GRIN3A: variants seen among roughly 807,000 people sequenced by gnomAD.
GRIN3A encodes glutamate receptor ionotropic, NMDA 3A.
In GRIN3A, 47 loss-of-function variants were observed where a neutral mutation model predicts 92.4. The ratio of observed to expected loss-of-function variants is 0.51; its 90% CI spans 0.40 to 0.65. GRIN3A has a LOEUF of 0.65. Ranked by LOEUF, GRIN3A falls within the 30% of genes least tolerant of loss-of-function variation. The pLI is 0.00. For synonymous variants in GRIN3A, 527 were observed against 540.6 expected (o/e 0.97, Z 0.35); for missense variants, 1,324 against 1,393.1 (o/e 0.95, Z 0.79).
chr9:101,598,366 C>T (rs1828167344), intron 6 of GRIN3A, among the ~76,000 whole-genome samples: 2 of 151,962 alleles, frequency 1.3e-5, no homozygotes, highest in South Asian at 4.1e-4. Context: ...GATATGGAGG[C>T]TAAAATATTT....
At position 101,670,641 on chromosome 9, in the gene GRIN3A, T is replaced by C; in HGVS notation, c.1771A>G (p.Met591Val). 1.2e-6 allele frequency: 2 copies of C among 1,614,054 alleles called. No homozygotes were observed. Among genetic ancestry groups the C allele is most frequent in the African/African-American group, 1.3e-5 (1 of 75,050 alleles). ...IDLLEKIAED[M>V]NFDFDLYIVG... ...ATATAGAGGTCGAAGTCAAAGTTCA[T>C]GTCTTCTGCTATCTTTTCCAGCAGA... Residue 591 changes from methionine to valine, a missense_variant, in exon 3 of 9, where the codon ATG (methionine) becomes GTG (valine). Transcript: ENST00000361820.
chr9:101,608,265 GTTCTC>G (rs1379040362), intron 6 of GRIN3A, among the ~76,000 whole-genome samples: 1 of 152,016 alleles, frequency 6.6e-6, no homozygotes, highest in African/African-American at 2.4e-5. Context: ...CTCATTCCTA[GTTCTC>G]TTTCAAATTT....
intron 1 of GRIN3A, among the ~76,000 whole-genome samples, chr9:101,718,322 G>A (rs1039378593): frequency 6.6e-6 from 1 of 152,198 alleles, no homozygotes; most frequent in Non-Finnish European, 1.5e-5. Flanking sequence ...GGTAGGGAGA[G>A]AGTGGCCAGT....
rs1827742734 is a variant in GRIN3A, at chr9:101,570,383, G to A, written c.*2791C>T. 6.6e-6 allele frequency: 1 copy of A among 152,546 alleles called. No individual in the cohort carries two copies. The highest frequency in any genetic ancestry group is 6.6e-5 in the Admixed American group (1 of 15,266). 9.4% of individuals were successfully genotyped at this position (152,546 alleles called of 1,614,324 possible). A position where few individuals can be genotyped will look rare whatever the true frequency, so the allele number is the denominator to read the frequency against. On this transcript the variant is annotated 3_prime_UTR_variant, in exon 9 of 9. Transcript: ENST00000361820. ...CAGAGGCAGAGCTGAACGGAAAGGA[G>A]GTTTCCAAGGACCCACCATTTCATG...
At chr9:101,641,341 G>A (rs961398598) in intron 3 of GRIN3A, among the ~76,000 whole-genome samples, 2 of 152,142 alleles carry the variant, frequency 1.3e-5, no homozygotes, top group African/African-American at 4.8e-5. Flanking sequence ...GCACACGTAT[G>A]TTTATTGTGG....
intron 3 of GRIN3A, among the ~76,000 whole-genome samples, chr9:101,653,882 T>C (rs1431836947): frequency 6.6e-6 from 1 of 151,880 alleles, no homozygotes; most frequent in Non-Finnish European, 1.5e-5. Flanking sequence ...TCAAGTGTAA[T>C]ACAAATGAAA....
chr9:101,707,708 G>A (rs1829829753), intron 1 of GRIN3A, among the ~76,000 whole-genome samples: 1 of 152,080 alleles, frequency 6.6e-6, no homozygotes, highest in Admixed American at 6.6e-5. Flanking sequence ...AGACAATATT[G>A]AGACAATTAT....
In GRIN3A at chr9:101,737,266, C is replaced by T; in HGVS notation, c.699+15G>A. The T allele has an allele frequency of 6.2e-7, 1 of 1,611,562 alleles. No homozygotes were observed. The highest frequency in any genetic ancestry group is 1.1e-5 in the South Asian group (1 of 91,050). The stretch of plus-strand genomic sequence containing the variant: ...GCAGCGCCCATCTCCACTCCACGCA[C>T]CAGGCTCCTCTCACCTGACTCTCCC... On this transcript the variant is annotated intron_variant, in intron 1 of 8. Transcript: ENST00000361820.
intron 3 of GRIN3A, among the ~76,000 whole-genome samples, chr9:101,647,355 G>C (rs572679893): frequency 6.6e-6 from 1 of 151,928 alleles, no homozygotes; most frequent in Admixed American, 6.6e-5. Flanking sequence ...ACTTGGTCGT[G>C]GTGAATGATC....
At chr9:101,629,420 C>A (rs189685967) in intron 3 of GRIN3A, among the ~76,000 whole-genome samples, 1 of 152,094 alleles carries the variant, frequency 6.6e-6, no homozygotes, top group Non-Finnish European at 1.5e-5. Flanking sequence ...TCAGCAAAAT[C>A]GTTCATTTAT....
chr9:101,723,036 C>T (rs1341103975), intron 1 of GRIN3A, among the ~76,000 whole-genome samples: 1 of 152,114 alleles, frequency 6.6e-6, no homozygotes, highest in Non-Finnish European at 1.5e-5. Flanking sequence ...ATTGTATCTT[C>T]CTGGATTCCC....
intron 1 of GRIN3A, among the ~76,000 whole-genome samples, chr9:101,736,945 G>T (rs1201838722): frequency 6.6e-6 from 1 of 151,794 alleles, no homozygotes; most frequent in South Asian, 2.1e-4. Flanking sequence ...CGCTCTCCAC[G>T]GTCCTGAACC....
chr9:101,659,395 T>C (rs1829139700), intron 3 of GRIN3A, among the ~76,000 whole-genome samples: 1 of 147,228 alleles, frequency 6.8e-6, no homozygotes, highest in South Asian at 2.2e-4. Flanking sequence ...AAAGTATCTA[T>C]GTATTTATTT....
chr9:101,720,775 C>T (rs1304869443), intron 1 of GRIN3A, among the ~76,000 whole-genome samples: 1 of 152,114 alleles, frequency 6.6e-6, no homozygotes, highest in Non-Finnish European at 1.5e-5. Context: ...ATCATACACA[C>T]ATTTCTGTTT....
Position 101,595,319 on chromosome 9 carries a change from C to CTTT in GRIN3A, c.2767-15962_2767-15960dup, listed in dbSNP as rs35592131. Among the ~76,000 whole-genome samples, 518 of 146,924 alleles carry CTTT rather than the reference C, an allele frequency of 3.5e-3. 3 individuals carry two copies. Among genetic ancestry groups the CTTT allele is most frequent in the African/African-American group, 0.011 (458 of 39,918 alleles). ...TGGCAATTATTTTATCTACTTATTT[C>CTTT]TTTTTTTTTTTTCTCTGAGAAAGTA... is the stretch of plus-strand genomic sequence containing the variant. On this transcript the variant is annotated intron_variant, in intron 6 of 8. Transcript: ENST00000361820.
chr9:101,629,032 A>G (rs1259250167), intron 3 of GRIN3A, among the ~76,000 whole-genome samples: 12 of 151,638 alleles, frequency 7.9e-5, no homozygotes, highest in Non-Finnish European at 5.9e-5. Context: ...CAAATAACAT[A>G]TATTTGAAGA....
chr9:101,678,210 T>C (rs1261851611), intron 2 of GRIN3A, among the ~76,000 whole-genome samples: 1 of 152,194 alleles, frequency 6.6e-6, no homozygotes, highest in East Asian at 1.9e-4. Flanking sequence ...CATGTATCTC[T>C]TACAGTGATC....
chr9:101,720,937 A>T (rs940345552), intron 1 of GRIN3A, among the ~76,000 whole-genome samples: 12 of 151,900 alleles, frequency 7.9e-5, no homozygotes, highest in Non-Finnish European at 1.6e-4. Context: ...TGTACAACAG[A>T]CTCCTGTGAC....
intron 1 of GRIN3A, among the ~76,000 whole-genome samples, chr9:101,731,817 T>C (rs1342101019): frequency 6.6e-6 from 1 of 152,198 alleles, no homozygotes. Context: ...GCTCACCTCT[T>C]CCCCATTGCT....
Sources: gnomAD v4.1 joint callset for allele counts (sites outside exome capture counted in the v4.1 genomes callset) on GRCh38, gnomAD v4.1.1 for gene constraint, MANE v1.5 for transcripts, NCBI Gene and HGNC (gene_info 2026-07-23, HGNC 2026-07-21) for gene names.